KPNA1: variants seen among roughly 807,000 people sequenced by gnomAD.
KPNA1 encodes the protein karyopherin subunit alpha 1.
A neutral mutation model predicts 70.5 loss-of-function variants in KPNA1; 10 were observed. The observed-to-expected ratio is 0.14, with a 90% CI of 0.09 to 0.24. The LOEUF is 0.24. KPNA1 is among the 10% of genes least tolerant of loss of function. The pLI is 1.00. For synonymous variants in KPNA1, 192 were observed against 221.9 expected, an observed-to-expected ratio of 0.87 and a Z score of 1.20; for missense variants, 397 against 637.9, an observed-to-expected ratio of 0.62 and a Z score of 4.07.
At chr3:122,449,219 A>G (rs2076172865) in intron 9 of KPNA1, among the ~76,000 whole-genome samples, 1 of 152,248 alleles carries the variant, frequency 6.6e-6, no homozygotes, top group Admixed American at 6.5e-5. Context: ...CTTGTCTAAA[A>G]TAAGCTCTAA....
chr3:122,427,696 C>T lies in KPNA1; in HGVS notation c.1271G>A (p.Cys424Tyr), dbSNP rs1248209726. 3 of 1,601,108 alleles carry T rather than the reference C, an allele frequency of 1.9e-6. No homozygotes were observed. The highest frequency in any genetic ancestry group is 2.6e-6 in the Non-Finnish European group (3 of 1,172,930). The change falls in exon 13 of 14, where the codon TGT becomes TAT. Residue 424 changes from cysteine (C) to tyrosine (Y), a missense_variant. Transcript: ENST00000344337. ...GAGGAGATCACAGAGCGGCTTGATA[C>T]AACCCAGTTCTACTAGGTACCTAAA... Reference protein sequence around the residue: ...EQIKYLVELGCIKPLCDLLTV... With the variant: ...EQIKYLVELGYIKPLCDLLTV...
In KPNA1 at chr3:122,461,327, C is replaced by A; in HGVS notation, c.338-9G>T. The A allele has an allele frequency of 1.3e-6, 2 of 1,582,928 alleles. No individual in the cohort carries two copies. Among genetic ancestry groups the A allele is most frequent in the Non-Finnish European group, 1.7e-6 (2 of 1,160,660 alleles). ...AATAGGAGGGTTAGGTTCTGTTTCC[C>A]CATAAAATAAAAGAAAAAAAAAATC... On this transcript the variant is annotated splice_polypyrimidine_tract_variant and intron_variant, in intron 4 of 13. Transcript: ENST00000344337.
chr3:122,510,189 T>C (rs886698612), intron 1 of KPNA1, among the ~76,000 whole-genome samples: 3 of 152,214 alleles, frequency 2.0e-5, no homozygotes, highest in African/African-American at 7.2e-5. Flanking sequence ...AGGAAGTTTT[T>C]GTTTTCCATG....
intron 2 of KPNA1, among the ~76,000 whole-genome samples, chr3:122,471,916 T>G (rs1195178396): frequency 1.3e-5 from 2 of 152,230 alleles, no homozygotes; most frequent in Admixed American, 6.5e-5. Flanking sequence ...ATGCTTAGCG[T>G]GTATAAGCCT....
At chr3:122,443,212 G>C (rs1215476507) in intron 9 of KPNA1, 1 of 152,406 alleles carries the variant, frequency 6.6e-6, no homozygotes, top group African/African-American at 2.4e-5. Context: ...TAGCGCAGCA[G>C]CTGGAGATCG....
intron 12 of KPNA1, among the ~76,000 whole-genome samples, chr3:122,428,455 GGAGGAA>G (rs2075853081): frequency 6.6e-6 from 1 of 151,816 alleles, no homozygotes; most frequent in Non-Finnish European, 1.5e-5. Context: ...TTTGTGTGGG[GGAGGAA>G]GAATTCAAAA....
At chr3:122,439,590 A>G (rs2076037060) in intron 10 of KPNA1, among the ~76,000 whole-genome samples, 1 of 152,216 alleles carries the variant, frequency 6.6e-6, no homozygotes, top group African/African-American at 2.4e-5. Context: ...GAATCTTTCA[A>G]GTTTCTTTAT....
intron 2 of KPNA1, among the ~76,000 whole-genome samples, chr3:122,469,686 C>T (rs1436689462): frequency 6.6e-6 from 1 of 152,062 alleles, no homozygotes; most frequent in Admixed American, 6.6e-5. Context: ...CCAGAGAACA[C>T]CAAGCTGGAC....
chr3:122,469,019 G>A (rs555896271), intron 2 of KPNA1, among the ~76,000 whole-genome samples: 20 of 152,226 alleles, frequency 1.3e-4, no homozygotes, highest in African/African-American at 4.8e-4. Flanking sequence ...AAGAACAAAA[G>A]AAATATTTGA....
At chr3:122,433,599 A>C in intron 12 of KPNA1, 62 bp downstream of exon 12, 6 of 1,411,240 alleles carry the variant, frequency 4.3e-6, no homozygotes, top group Non-Finnish European at 5.7e-6. Flanking sequence ...GGAGGTTATA[A>C]AGTGATAGAC....
intron 12 of KPNA1, 96 bp from the exon 13 acceptor site, chr3:122,427,812 T>TA: frequency 1.4e-6 from 1 of 740,040 alleles, no homozygotes; most frequent in South Asian, 3.4e-5. Context: ...CTGCAGAGAC[T>TA]TAAAAAAAAA....
intron 1 of KPNA1, among the ~76,000 whole-genome samples, chr3:122,497,143 C>T (rs1038712813): frequency 3.3e-5 from 5 of 152,240 alleles, no homozygotes; most frequent in African/African-American, 1.2e-4. Flanking sequence ...AAGCTATCAT[C>T]CCTATTCTGG....
chr3:122,513,244 A>G (rs1443185903), intron 1 of KPNA1, among the ~76,000 whole-genome samples: 1 of 151,588 alleles, frequency 6.6e-6, no homozygotes, highest in African/African-American at 2.4e-5. Flanking sequence ...AAATTAACAG[A>G]TACTTCAGAT....
At chr3:122,484,420 G>A (rs1021562974) in intron 2 of KPNA1, among the ~76,000 whole-genome samples, 5 of 152,102 alleles carry the variant, frequency 3.3e-5, no homozygotes, top group Non-Finnish European at 5.9e-5. Flanking sequence ...CAGCACTTTG[G>A]GAGGCCGAGG....
At chr3:122,435,454 G>A (rs749689073) in intron 11 of KPNA1, among the ~76,000 whole-genome samples, 3 of 152,112 alleles carry the variant, frequency 2.0e-5, no homozygotes, top group Non-Finnish European at 4.4e-5. Context: ...AAAATTTGAG[G>A]CAATCTACAT....
intron 9 of KPNA1, among the ~76,000 whole-genome samples, chr3:122,446,735 C>G (rs189921708): frequency 6.6e-6 from 1 of 152,196 alleles, no homozygotes; most frequent in East Asian, 1.9e-4. Context: ...AATCCAGGAG[C>G]TGGTGTTTTG....
intron 9 of KPNA1, among the ~76,000 whole-genome samples, chr3:122,448,113 G>C (rs902036038): frequency 1.3e-5 from 2 of 152,186 alleles, no homozygotes; most frequent in Non-Finnish European, 2.9e-5. Context: ...ATGCTGGAGA[G>C]GATGTGGAGA....
chr3:122,449,447 C>G, intron 9 of KPNA1, 127 bp downstream of exon 9: 1 of 771,468 alleles, frequency 1.3e-6, no homozygotes, highest in East Asian at 3.0e-5. Flanking sequence ...AAACAAGTAA[C>G]AAAAACAGTA....
intron 5 of KPNA1, among the ~76,000 whole-genome samples, chr3:122,456,969 G>A (rs772527969): frequency 1.3e-5 from 2 of 152,144 alleles, no homozygotes; most frequent in African/African-American, 2.4e-5. Flanking sequence ...CTGTATTTGT[G>A]AAATTTTCTA....
Sources: gnomAD v4.1 joint callset for allele counts (sites outside exome capture counted in the v4.1 genomes callset) on GRCh38, gnomAD v4.1.1 for gene constraint, MANE v1.5 for transcripts, NCBI Gene and HGNC (gene_info 2026-07-23, HGNC 2026-07-21) for gene names.